The following BCAR3 variants were observed in gnomAD, a reference collection of about 807,000 sequenced individuals.
BCAR3 encodes breast cancer anti-estrogen resistance protein 3.
BCAR3 carries 37 observed loss-of-function variants against 80.1 expected under a neutral mutation model. The observed-to-expected ratio is 0.46, with a 90% CI of 0.36 to 0.61. BCAR3 has a LOEUF of 0.61. Ranked by LOEUF, BCAR3 falls within the 20% of genes least tolerant of loss-of-function variation. BCAR3 has a pLI of 0.00. For missense variants in BCAR3, 978 were observed against 1,068.2 expected (o/e 0.92, Z 1.18); for synonymous variants, 389 against 418.9 (o/e 0.93, Z 0.87).
intron 3 of BCAR3, among the ~76,000 whole-genome samples, chr1:93,705,278 C>T (rs1464260639): frequency 6.6e-6 from 1 of 152,050 alleles, no homozygotes; most frequent in African/African-American, 2.4e-5. Flanking sequence ...ATTGGTCCTC[C>T]CTGGACCAAT....
chr1:93,653,945 C>T (rs1049421017), intron 2 of BCAR3, among the ~76,000 whole-genome samples: 3 of 152,184 alleles, frequency 2.0e-5, no homozygotes, highest in African/African-American at 7.2e-5. Flanking sequence ...CGCTGGACAC[C>T]TGCAATACCT....
intron 2 of BCAR3, among the ~76,000 whole-genome samples, chr1:93,708,535 G>T (rs903168094): frequency 3.3e-5 from 5 of 152,146 alleles, no homozygotes; most frequent in Non-Finnish European, 7.3e-5. Context: ...TCTCCCCAGT[G>T]TCCCATTACT....
intron 3 of BCAR3, among the ~76,000 whole-genome samples, chr1:93,700,167 T>TC (rs1361095844): frequency 6.6e-6 from 1 of 151,928 alleles, no homozygotes; most frequent in Non-Finnish European, 1.5e-5. Context: ...AAAGTTTAGA[T>TC]CCCCCCTAAT....
At position 93,588,949 on chromosome 1, in the gene BCAR3, T is replaced by C. The variant is rs76319595; in HGVS notation, c.929+28A>G. The C allele has an allele frequency of 2.0e-3, 3,107 of 1,520,944 alleles. 46 individuals are homozygous for C. In the African/African-American group the frequency reaches 0.037, roughly 18 times the overall value. 94.2% of individuals were successfully genotyped at this position (1,520,944 alleles called of 1,614,324 possible). A position where few individuals can be genotyped will look rare whatever the true frequency, so the allele number is the denominator to read the frequency against. The stretch of plus-strand genomic sequence containing the variant: ...ACCTTGGGCACCCCGGCGCCCCTCA[T>C]AGTCCTGCAGAGGAGGCCCTGACCT... On this transcript the variant is annotated intron_variant, in intron 5 of 11. Coordinates refer to ENST00000260502, the MANE Select transcript of BCAR3 (RefSeq NM_003567.4).
At chr1:93,722,612 T>A (rs1650443217) in intron 2 of BCAR3, among the ~76,000 whole-genome samples, 1 of 152,150 alleles carries the variant, frequency 6.6e-6, no homozygotes, top group Non-Finnish European at 1.5e-5. Flanking sequence ...GTTGCCAGGT[T>A]GGAAGGGTGA....
At chr1:93,738,463 C>T (rs189648255) in intron 2 of BCAR3, among the ~76,000 whole-genome samples, 74 of 152,380 alleles carry the variant, frequency 4.9e-4, no homozygotes, top group African/African-American at 1.7e-3. Context: ...GCTTGTGCTC[C>T]GCCCTCCCCC....
intron 2 of BCAR3, among the ~76,000 whole-genome samples, chr1:93,774,649 C>T (rs1204944822): frequency 2.0e-5 from 3 of 152,204 alleles, no homozygotes; most frequent in African/African-American, 7.2e-5. Context: ...CTTGGCAAAG[C>T]AACGACCTGA....
intron 2 of BCAR3, among the ~76,000 whole-genome samples, chr1:93,730,764 C>T (rs1169950669): frequency 1.3e-5 from 2 of 152,152 alleles, no homozygotes; most frequent in African/African-American, 2.4e-5. Flanking sequence ...CAGAAGATTC[C>T]AAGTAATATG....
At chr1:93,678,481 G>C (rs1308638317) in intron 1 of BCAR3, among the ~76,000 whole-genome samples, 1 of 152,008 alleles carries the variant, frequency 6.6e-6, no homozygotes, top group Non-Finnish European at 1.5e-5. Context: ...CATAAGTACT[G>C]GTAATTCCCA....
At chr1:93,810,192 C>CAAAAAAAAAAAAAAAAAAAAAA (rs111305058) in intron 2 of BCAR3, among the ~76,000 whole-genome samples, 2 of 98,880 alleles carry the variant, frequency 2.0e-5, no homozygotes, top group East Asian at 3.4e-4. Flanking sequence ...GACTCCATCT[C>CAAAAAAAAAAAAAAAAAAAAAA]AAAAAAAAAA....
At chr1:93,796,357 G>C (rs1653261473) in intron 2 of BCAR3, among the ~76,000 whole-genome samples, 2 of 143,516 alleles carry the variant, frequency 1.4e-5, no homozygotes, top group South Asian at 2.2e-4. Context: ...ATAGTCTCGT[G>C]GTGCGCCGTT....
chr1:93,576,575 G>A (rs1186582077), intron 7 of BCAR3, among the ~76,000 whole-genome samples: 1 of 152,200 alleles, frequency 6.6e-6, no homozygotes, highest in Non-Finnish European at 1.5e-5. Context: ...TGCCATTCAT[G>A]TTCTCACTTA....
intron 2 of BCAR3, among the ~76,000 whole-genome samples, chr1:93,772,725 C>A (rs988887708): frequency 6.6e-6 from 1 of 152,150 alleles, no homozygotes; most frequent in South Asian, 2.1e-4. Context: ...CTGTCCTCAG[C>A]CTCCTGAGTA....
At chr1:93,661,984 C>T (rs1454304917) in intron 2 of BCAR3, among the ~76,000 whole-genome samples, 1 of 152,186 alleles carries the variant, frequency 6.6e-6, no homozygotes, top group Non-Finnish European at 1.5e-5. Context: ...ATATTCTGCA[C>T]CCAGGGTTAA....
intron 2 of BCAR3, among the ~76,000 whole-genome samples, chr1:93,773,884 A>G (rs539958948): frequency 6.6e-6 from 1 of 152,136 alleles, no homozygotes; most frequent in East Asian, 1.9e-4. Flanking sequence ...TGGCCTCAGG[A>G]CTTTTACTCA....
At chr1:93,740,100 C>T (rs1186733690) in intron 2 of BCAR3, among the ~76,000 whole-genome samples, 2 of 151,786 alleles carry the variant, frequency 1.3e-5, no homozygotes, top group African/African-American at 2.4e-5. Flanking sequence ...AAATTTGATA[C>T]GTGGTGGCAC....
intron 2 of BCAR3, among the ~76,000 whole-genome samples, chr1:93,813,010 CT>C (rs1653899632): frequency 6.6e-6 from 1 of 152,126 alleles, no homozygotes; most frequent in Admixed American, 6.5e-5. Flanking sequence ...TTCCAGCAGT[CT>C]TACCTTTTGG....
At position 93,610,799 on chromosome 1, in the gene BCAR3, T is replaced by C. The variant is rs190628842; in HGVS notation, c.358-18406A>G. The stretch of plus-strand genomic sequence containing the variant: ...TGTCTCTACTAAAAATACCAAAAAT[T>C]AGCCAGGTGTGGTGGTGGGTGCCTG... On this transcript the variant is annotated intron_variant, in intron 3 of 11. Transcript: ENST00000260502. Among the ~76,000 whole-genome samples, 136 of 151,826 alleles carry C rather than the reference T, an allele frequency of 9.0e-4. 1 individual carries two copies. Among genetic ancestry groups the C allele is most frequent in the Non-Finnish European group, 1.7e-3 (118 of 67,934 alleles).
intron 5 of BCAR3, among the ~76,000 whole-genome samples, chr1:93,587,055 G>A (rs6697077): frequency 0.047 from 7,128 of 152,250 alleles, 560 homozygotes; most frequent in African/African-American, 0.16. Context: ...GATTACAGGC[G>A]TGAGCCACCA....
Sources: gnomAD v4.1 joint callset for allele counts (sites outside exome capture counted in the v4.1 genomes callset) on GRCh38, gnomAD v4.1.1 for gene constraint, MANE v1.5 for transcripts, NCBI Gene and HGNC (gene_info 2026-07-23, HGNC 2026-07-21) for gene names.